Variants in MEI1 observed in about 807,000 individuals in gnomAD.
MEI1 encodes the protein meiotic double-stranded break formation protein 1.
In MEI1, 103 loss-of-function variants were observed where a neutral mutation model predicts 146.2. That is an observed-to-expected ratio of 0.70 (90% confidence interval 0.60 to 0.83). The LOEUF (loss-of-function observed/expected upper bound fraction) is 0.83. Ranked by LOEUF, MEI1 falls within the 40% of genes least tolerant of loss-of-function variation. The probability of loss-of-function intolerance (pLI) is 0.00; values close to 1 mark genes in which losing one functional copy is unlikely to be tolerated. For synonymous variants in MEI1, 652 were observed against 628.2 expected, an observed-to-expected ratio of 1.04 and a Z score of -0.57; for missense variants, 1,529 against 1,533.0, an observed-to-expected ratio of 1.00 and a Z score of 0.04.
chr22:41,708,159 T>A (rs889589213), intron 3 of MEI1, among the ~76,000 whole-genome samples: 1 of 152,162 alleles, frequency 6.6e-6, no homozygotes, highest in Admixed American at 6.5e-5. Context: ...AAGACTAAAT[T>A]TTAAAGCTAA....
In MEI1 at chr22:41,707,878, A is replaced by G. The variant is rs139722771; in HGVS notation, c.349+2324A>G. On this transcript the variant is annotated intron_variant, in intron 3 of 30. Coordinates refer to ENST00000401548, the MANE Select transcript of MEI1 (RefSeq NM_152513.4). The stretch of plus-strand genomic sequence containing the variant: ...GAGTCCAGTCTTAGTCTTCCAAGGC[A>G]GATTACAGGGTGGGTTCTGGAGCTC... Among the ~76,000 whole-genome samples the G allele has an allele frequency of 7.9e-5, 12 of 152,352 alleles. No homozygotes were observed. The East Asian group carries it at 1.9e-3, about 24-fold the overall frequency.
At chr22:41,733,753 A>AAACAC (rs1334266212) in intron 11 of MEI1, among the ~76,000 whole-genome samples, 1 of 152,048 alleles carries the variant, frequency 6.6e-6, no homozygotes, top group East Asian at 1.9e-4. Context: ...AAACAAAACA[A>AAACAC]AACACCCAAA....
At chr22:41,767,643 A>G (rs774561918) in intron 19 of MEI1, 2 of 453,184 alleles carry the variant, frequency 4.4e-6, no homozygotes, top group African/African-American at 4.0e-5. Flanking sequence ...ATGATTTTTT[A>G]TTTGCTTCTC....
chr22:41,741,094 A>G (rs750933592), intron 11 of MEI1, among the ~76,000 whole-genome samples: 9 of 152,190 alleles, frequency 5.9e-5, no homozygotes, highest in Non-Finnish European at 1.0e-4. Flanking sequence ...TATTTTTAGT[A>G]GAGACAGGGT....
chr22:41,734,528 G>A (rs2072156828), intron 11 of MEI1, among the ~76,000 whole-genome samples: 1 of 152,208 alleles, frequency 6.6e-6, no homozygotes, highest in African/African-American at 2.4e-5. Context: ...GGGAGGCGGA[G>A]GTTGCAGTGA....
At chr22:41,736,451 C>T (rs968254504) in intron 11 of MEI1, among the ~76,000 whole-genome samples, 2 of 152,002 alleles carry the variant, frequency 1.3e-5, no homozygotes, top group African/African-American at 4.8e-5. Flanking sequence ...GACAGGGTTT[C>T]ACCGTGTTAG....
chr22:41,784,871 G>A, intron 26 of MEI1, 88 bp downstream of exon 26: 2 of 897,588 alleles, frequency 2.2e-6, no homozygotes, highest in Non-Finnish European at 3.0e-6. Context: ...ACTCCTACCA[G>A]GGCTTGGAGG....
At chr22:41,786,174 T>A (rs2075979834) in intron 26 of MEI1, among the ~76,000 whole-genome samples, 1 of 152,014 alleles carries the variant, frequency 6.6e-6, no homozygotes, top group South Asian at 2.1e-4. Flanking sequence ...CCTCCCAAAG[T>A]GCTGGGATTA....
Position 41,780,579 on chromosome 22 carries a change from T to TC in MEI1, c.2816-705_2816-704insC, listed in dbSNP as rs1241423689. Among the ~76,000 whole-genome samples, 79 of 148,352 alleles carry TC rather than the reference T, an allele frequency of 5.3e-4. 3 individuals carry two copies. The highest frequency in any genetic ancestry group is 2.0e-3 in the Admixed American group (29 of 14,738). The stretch of plus-strand genomic sequence containing the variant: ...GAACTTTGAGCTGAATTTTTTTCTT[T>TC]TCTTTTTTTTTTTTTTTTTGAGACA... On this transcript the variant is annotated intron_variant, in intron 22 of 30. Transcript: ENST00000401548.
At chr22:41,735,092 G>A (rs1199160362) in intron 11 of MEI1, among the ~76,000 whole-genome samples, 1 of 151,764 alleles carries the variant, frequency 6.6e-6, no homozygotes, top group Non-Finnish European at 1.5e-5. Flanking sequence ...CTTTCTAGTA[G>A]CTGGGACTAC....
intron 19 of MEI1, among the ~76,000 whole-genome samples, chr22:41,764,076 T>G (rs2074688862): frequency 6.6e-6 from 1 of 150,936 alleles, no homozygotes; most frequent in South Asian, 2.1e-4. Context: ...TTCTCCTGCC[T>G]CAGCCTCCTG....
At chr22:41,724,722 C>T (rs1270005503) in intron 7 of MEI1, among the ~76,000 whole-genome samples, 4 of 151,536 alleles carry the variant, frequency 2.6e-5, no homozygotes, top group Admixed American at 6.6e-5. Context: ...ACCCAGGAGG[C>T]GGAGGTTGCA....
chr22:41,767,126 C>T (rs975307713), intron 19 of MEI1, among the ~76,000 whole-genome samples: 2 of 152,204 alleles, frequency 1.3e-5, no homozygotes, highest in Non-Finnish European at 2.9e-5. Context: ...TCGTGGACGT[C>T]TTCCCCATAA....
chr22:41,794,698 G>T (rs1196068520), intron 28 of MEI1, among the ~76,000 whole-genome samples: 1 of 152,132 alleles, frequency 6.6e-6, no homozygotes, highest in Admixed American at 6.5e-5. Flanking sequence ...TTTCTCTCAT[G>T]ACATGTTGAC....
At chr22:41,743,034 A>C in intron 11 of MEI1, 46 bp from the exon 12 acceptor site, 1 of 1,390,000 alleles carries the variant, frequency 7.2e-7, no homozygotes, top group Non-Finnish European at 1.0e-6. Context: ...TATCTTGGGA[A>C]TACCGTTGCC....
In MEI1 at chr22:41,795,712, T is replaced by A; in HGVS notation, c.3667-23T>A. On this transcript the variant is annotated intron_variant, in intron 29 of 30. Transcript: ENST00000401548. This position sits in a 1 kb window ranked among gnomAD's most constrained non-coding sequence, Gnocchi z 4.2. ...GAATGGGCACTGAGGAGGCCTGTCT[T>A]CCCTGCCCTCTTCTCCCTGCAGCTC... The A allele has an allele frequency of 6.2e-7, 1 of 1,609,904 alleles. No homozygotes were observed. The highest frequency in any genetic ancestry group is 1.1e-5 in the South Asian group (1 of 90,620).
At chr22:41,762,080 G>A (rs981973633) in intron 18 of MEI1, among the ~76,000 whole-genome samples, 2 of 152,176 alleles carry the variant, frequency 1.3e-5, no homozygotes, top group African/African-American at 4.8e-5. Context: ...TGTGAATAGT[G>A]CTGTTGTAAA....
rs1224163276 is a variant in MEI1, at chr22:41,770,839, G to A, written c.2422G>A (p.Glu808Lys). 1.2e-6 allele frequency: 2 copies of A among 1,613,980 alleles called. No individual in the cohort carries two copies. The highest frequency in any genetic ancestry group is 2.2e-5 in the East Asian group (1 of 44,890). The stretch of plus-strand genomic sequence containing the variant: ...TGTCCTGGAACTTTGGTTCTTCTGG[G>A]AAGAGAGCAGCTATGAGGAACTGGA... Reference protein sequence around the residue: ...HRVLELWFFWEESSYEELDDV... With the variant: ...HRVLELWFFWKESSYEELDDV... Residue 808 changes from glutamate (E) to lysine (K), a missense_variant, in exon 20 of 31, where the codon GAA becomes AAA. By Grantham distance (56) the Glu-to-Lys change is moderately conservative. Coordinates refer to ENST00000401548, the MANE Select transcript of MEI1 (RefSeq NM_152513.4).
intron 1 of MEI1, among the ~76,000 whole-genome samples, chr22:41,702,084 A>C (rs1233784443): frequency 6.6e-6 from 1 of 152,222 alleles, no homozygotes; most frequent in African/African-American, 2.4e-5. Flanking sequence ...AAGGAAAAAC[A>C]GGAGCCTTAC....
Sources: gnomAD v4.1 joint callset for allele counts (sites outside exome capture counted in the v4.1 genomes callset) on GRCh38, gnomAD v4.1.1 for gene constraint, Gnocchi (gnomAD v3.1) non-coding constraint, MANE v1.5 for transcripts, NCBI Gene and HGNC (gene_info 2026-07-23, HGNC 2026-07-21) for gene names.